SSC5D: variants seen among roughly 807,000 people sequenced by gnomAD.
The protein encoded by SSC5D is scavenger receptor cysteine rich family member with 5 domains.
Under a neutral mutation model 104.6 loss-of-function variants are expected in SSC5D, and 106 were observed. The ratio of observed to expected loss-of-function variants is 1.01; its 90% confidence interval spans 0.87 to 1.19. SSC5D has a LOEUF of 1.19. Ranked by LOEUF, SSC5D falls within the 50% of genes most tolerant of loss-of-function variation. The pLI is 0.00. For synonymous variants in SSC5D, 860 were observed against 883.5 expected (o/e 0.97, Z 0.47); for missense variants, 1,993 against 2,153.8 (o/e 0.93, Z 1.48).
Position 55,500,178 on chromosome 19 carries a change from C to G in SSC5D, c.2068C>G (p.Gln690Glu), listed in dbSNP as rs61747385. The change falls in exon 10 of 14, where the codon CAG becomes GAG. Residue 690 changes from glutamine (Q) to glutamate (E), a missense_variant. By Grantham distance (29) the Gln-to-Glu change is conservative. Transcript: ENST00000389623. The surrounding 1 kb of genome is among the most constrained non-coding windows in gnomAD (Gnocchi z 4.6). The stretch of plus-strand genomic sequence containing the variant: ...CAGAAGGCCGACCACGGAGGCCCCC[C>G]AGAGATGGACCTCTCACACCACTGC... The part of the protein sequence containing the change: ...FTRRPTTEAP[Q>E]RWTSHTTATL... 3,994 of 1,551,416 alleles carry G rather than the reference C, an allele frequency of 2.6e-3. 95 individuals are homozygous for G. The African/African-American group carries it at 0.047, about 18-fold the overall frequency.
In SSC5D at chr19:55,517,381, C is replaced by T. The variant is rs778507595; in HGVS notation, c.3105C>T (p.Ala1035=). 58 of 1,550,624 alleles carry T rather than the reference C, an allele frequency of 3.7e-5. No individual in the cohort carries two copies. In the South Asian group the frequency reaches 6.7e-4, roughly 18 times the overall value. The change falls in exon 14 of 14, where the codon GCC becomes GCT. Residue 1035 remains alanine, a synonymous_variant. Coordinates refer to ENST00000389623, the MANE Select transcript of SSC5D (RefSeq NM_001144950.2). ...GTCGAGAGCTCACTCCCCACTCAGC[C>T]TTGACGTCCGAGGCGACCTCTGACG... ...DSSRELTPHS[A]LTSEATSDAP...
chr19:55,499,897 T>A lies in SSC5D; in HGVS notation c.1787T>A (p.Leu596His). The change falls in exon 10 of 14, where the codon CTC (leucine) becomes CAC (histidine). Residue 596 changes from leucine (L) to histidine (H), a missense_variant. Around this residue, in one of 6 missense-constraint regions of SSC5D, gnomAD observed 1,101 missense variants for 1,085.0 expected, o/e 1.01. Transcript: ENST00000389623. ...PGLGRDRDAW[L>H]PGELATKPSA... ...CTGGGGAGAGATCGGGATGCCTGGC[T>A]CCCGGGAGAGCTGGCCACCAAGCCC... 6.4e-7 allele frequency: 1 copy of A among 1,551,436 alleles called. No homozygotes were observed. Among genetic ancestry groups the A allele is most frequent in the Non-Finnish European group, 8.7e-7 (1 of 1,146,956 alleles).
chr19:55,498,343 C>A, intron 9 of SSC5D, 146 bp downstream of exon 9: 1 of 826,054 alleles, frequency 1.2e-6, no homozygotes, highest in Non-Finnish European at 1.9e-6. Context: ...ATTGAAATCA[C>A]ATAATAAGTC....
Position 55,518,717 on chromosome 19 carries a change from A to G in SSC5D, c.4441A>G (p.Arg1481Gly), listed in dbSNP as rs1568486781. The G allele has an allele frequency of 1.3e-6, 2 of 1,551,066 alleles. No individual in the cohort carries two copies. Residue 1481 changes from arginine (R) to glycine (G), a missense_variant, in exon 14 of 14, where the codon AGG (arginine) becomes GGG (glycine). Physicochemically the swap from Arg to Gly is moderately radical, Grantham distance 125 (BLOSUM62 -2). This residue lies in a region of SSC5D where 349 missense variants were observed against 397.6 expected (regional missense o/e 0.88). Coordinates refer to ENST00000389623, the MANE Select transcript of SSC5D (RefSeq NM_001144950.2). ...GPCVAPTPPV[R>G]VMACEPPALV... is the part of the protein sequence containing the mutation. ...ATGTGTGGCCCCAACACCACCTGTA[A>G]GGGTCATGGCTTGTGAGCCACCTGC...
At chr19:55,494,520 G>A (rs1987254513) in intron 7 of SSC5D, 90 bp from the exon 8 acceptor site, 3 of 1,358,708 alleles carry the variant, frequency 2.2e-6, no homozygotes, top group Admixed American at 5.5e-5. Flanking sequence ...CAGCTGAGAG[G>A]ACTGAGGAAG....
At chr19:55,489,083 C>A in intron 2 of SSC5D, 51 bp downstream of exon 2, 1 of 1,052,770 alleles carries the variant, frequency 9.5e-7, no homozygotes, top group Non-Finnish European at 1.3e-6. Context: ...CAGGCCTCCC[C>A]CTTCTGCCCA....
At position 55,489,570 on chromosome 19, in the gene SSC5D, G is replaced by C. The variant is rs756136708; in HGVS notation, c.269G>C (p.Arg90Pro). The change falls in exon 3 of 14, where the codon CGG (arginine) becomes CCG (proline). Residue 90 changes from arginine (R) to proline (P), a missense_variant. By Grantham distance (103) the Arg-to-Pro change is moderately radical. Around this residue, in one of 6 missense-constraint regions of SSC5D, gnomAD observed 1,101 missense variants for 1,085.0 expected, o/e 1.01. Coordinates refer to ENST00000389623, the MANE Select transcript of SSC5D (RefSeq NM_001144950.2). Reference protein sequence around the residue: ...GPVWLSELACRGNEGQLGLCH... With the variant: ...GPVWLSELACPGNEGQLGLCH... ...GTGTGGCTCAGCGAGCTGGCTTGCC[G>C]GGGCAACGAGGGGCAGCTGGGCCTC... 1.3e-6 allele frequency: 2 copies of C among 1,511,124 alleles called. No individual in the cohort carries two copies. Among genetic ancestry groups the C allele is most frequent in the African/African-American group, 1.4e-5 (1 of 72,128 alleles). The allele number at this position is 1,511,124 out of a possible 1,614,324, so 93.6% of individuals were successfully genotyped here.
Position 55,503,610 on chromosome 19 carries a change from A to G in SSC5D, c.2785+2409A>G, listed in dbSNP as rs528623492. On this transcript the variant is annotated intron_variant, in intron 12 of 13. Transcript: ENST00000389623. The surrounding 1 kb of genome is among the most constrained non-coding windows in gnomAD (Gnocchi z 4.0). ...TCACGGGAGGTTTCACTCCCCACCT[A>G]AGGGGCAGCGTTTCTGTCCTCCCTC... Among the ~76,000 whole-genome samples the G allele has an allele frequency of 2.0e-5, 3 of 151,528 alleles. No homozygotes were observed. In the South Asian group the frequency reaches 6.3e-4, roughly 32 times the overall value.
At position 55,489,375 on chromosome 19, in the gene SSC5D, G is replaced by A; in HGVS notation, c.74G>A (p.Gly25Asp). 6.8e-7 allele frequency: 1 copy of A among 1,467,478 alleles called. No individual in the cohort carries two copies. Among genetic ancestry groups the A allele is most frequent in the Non-Finnish European group, 8.9e-7 (1 of 1,117,858 alleles). The allele number at this position is 1,467,478 out of a possible 1,614,324, so 90.9% of individuals were successfully genotyped here. The change falls in exon 3 of 14, where the codon GGC (glycine) becomes GAC (aspartate). Residue 25 changes from glycine (G) to aspartate (D), a missense_variant. By Grantham distance (94) the Gly-to-Asp change is moderately conservative. Around this residue, in one of 6 missense-constraint regions of SSC5D, gnomAD observed 1,101 missense variants for 1,085.0 expected, o/e 1.01. Transcript: ENST00000389623. ...QAVERLRLADGPHGCAGRLEV... is the reference protein window; with the variant it reads ...QAVERLRLADDPHGCAGRLEV... The stretch of plus-strand genomic sequence containing the variant: ...TCAGAGCGCCTGCGCCTGGCCGATG[G>A]CCCCCATGGGTGCGCTGGCCGCCTG...
rs1420459820 is a variant in SSC5D, at chr19:55,518,588, C to G, written c.4312C>G (p.Pro1438Ala). 2.6e-6 allele frequency: 4 copies of G among 1,538,396 alleles called. No homozygotes were observed. In the African/African-American group the frequency reaches 5.5e-5, roughly 21 times the overall value. Residue 1438 changes from proline to alanine, a missense_variant, in exon 14 of 14, where the codon CCT (proline) becomes GCT (alanine). This residue lies in a region of SSC5D where 349 missense variants were observed against 397.6 expected (regional missense o/e 0.88). Transcript: ENST00000389623. The part of the protein sequence containing the change: ...PHSASDLTVS[P>A]DPLLSPTAHP... Reference sequence around the variant, plus strand: ...CTCAGCCTCTGACCTTACTGTGTCCCCTGACCCCCTCCTTTCCCCCACAGC... The same window carrying G: ...CTCAGCCTCTGACCTTACTGTGTCCGCTGACCCCCTCCTTTCCCCCACAGC...
At position 55,500,822 on chromosome 19, in the gene SSC5D, C is replaced by A; in HGVS notation, c.2617+18C>A. On this transcript the variant is annotated intron_variant, in intron 11 of 13. Coordinates refer to ENST00000389623, the MANE Select transcript of SSC5D (RefSeq NM_001144950.2). This position sits in a 1 kb window ranked among gnomAD's most constrained non-coding sequence, Gnocchi z 4.6. ...CTGCACTGGTACCAGGGCATGGCGG[C>A]GGTGGTGGGGTTGTCGGGGGTGGCC... is the stretch of plus-strand genomic sequence containing the variant. 2 of 1,405,638 alleles carry A rather than the reference C, an allele frequency of 1.4e-6. No homozygotes were observed. The highest frequency in any genetic ancestry group is 1.9e-6 in the Non-Finnish European group (2 of 1,060,454). 87.1% of individuals were successfully genotyped at this position (1,405,638 alleles called of 1,614,324 possible). A position where few individuals can be genotyped will look rare whatever the true frequency, so the allele number is the denominator to read the frequency against.
At chr19:55,497,815 G>C in intron 8 of SSC5D, 65 bp from the exon 9 acceptor site, 1 of 1,321,212 alleles carries the variant, frequency 7.6e-7, no homozygotes, top group Non-Finnish European at 9.8e-7. Context: ...AGGGAAAGGT[G>C]GATGAAGAGT....
chr19:55,488,714 G>C (rs1599908782), intron 1 of SSC5D, 100 bp downstream of exon 1: 1 of 1,088,174 alleles, frequency 9.2e-7, no homozygotes, highest in East Asian at 2.6e-5. Flanking sequence ...GGGACTGGTC[G>C]CTGGTGCTCC....
chr19:55,514,449 A>AATG lies in SSC5D; in HGVS notation c.2947+1279_2947+1280insGAT, dbSNP rs1987825184. 1.1e-4 allele frequency among the ~76,000 whole-genome samples: 7 copies of AATG among 65,724 alleles called. No individual in the cohort carries two copies. In the South Asian group the frequency reaches 2.5e-3, roughly 23 times the overall value. 43.1% of individuals were successfully genotyped at this position (65,724 alleles called of 152,430 possible). A position where few individuals can be genotyped will look rare whatever the true frequency, so the allele number is the denominator to read the frequency against. The stretch of plus-strand genomic sequence containing the variant: ...TAATAATAATAATAATAATAATAAT[A>AATG]ATAATAATAGGTGTGGTGGCAGGCG... On this transcript the variant is annotated intron_variant, in intron 13 of 13. Transcript: ENST00000389623.
rs1486395573 is a variant in SSC5D, at chr19:55,518,649, C to A, written c.4373C>A (p.Thr1458Asn). 1 of 1,539,362 alleles carries A rather than the reference C, an allele frequency of 6.5e-7. No individual in the cohort carries two copies. The highest frequency in any genetic ancestry group is 8.8e-7 in the Non-Finnish European group (1 of 1,141,472). The change falls in exon 14 of 14, where the codon ACC becomes AAC. Residue 1458 changes from threonine to asparagine, a missense_variant. Physicochemically the swap from Thr to Asn is moderately conservative, Grantham distance 65. Around this residue, in one of 6 missense-constraint regions of SSC5D, gnomAD observed 349 missense variants for 397.6 expected, o/e 0.88. Transcript: ENST00000389623. ...GATCATCCTCCCCTTGACCCCCTCA[C>A]CCTAGGGCCAACTCCTGGTCAGAGC... The part of the protein sequence containing the change: ...PLDHPPLDPL[T>N]LGPTPGQSPG...
rs770659197 is a variant in SSC5D, at chr19:55,518,901, T to C, written c.4625T>C (p.Val1542Ala). The change falls in exon 14 of 14, where the codon GTG (valine) becomes GCG (alanine). Residue 1542 changes from valine (V) to alanine (A), a missense_variant. By Grantham distance (64) the Val-to-Ala change is moderately conservative (BLOSUM62 0). Around this residue, in one of 6 missense-constraint regions of SSC5D, gnomAD observed 349 missense variants for 397.6 expected, o/e 0.88. Coordinates refer to ENST00000389623, the MANE Select transcript of SSC5D (RefSeq NM_001144950.2). ...GGTCTGGGGCAGCTGGGTGAGGCTG[T>C]GAAGAGACTGGCAGAGATGGCCTGG... Reference protein sequence around the residue: ...ARGLGQLGEAVKRLAEMAWTT... With the variant: ...ARGLGQLGEAAKRLAEMAWTT... 3.7e-5 allele frequency: 57 copies of C among 1,550,170 alleles called. No homozygotes were observed. In the Admixed American group the frequency reaches 5.9e-4, roughly 16 times the overall value.
rs1409890300 is a variant in SSC5D, at chr19:55,503,165, TCTTGGGCTCAAGTCATCGG to T, written c.2785+1969_2785+1987del. Among the ~76,000 whole-genome samples, 5 of 152,046 alleles carry T rather than the reference TCTTGGGCTCAAGTCATCGG, an allele frequency of 3.3e-5. No individual in the cohort carries two copies. Among genetic ancestry groups the T allele is most frequent in the Non-Finnish European group, 5.9e-5 (4 of 67,998 alleles). ...TATGTTGCCCAGGCTGGTCTCAAAC[TCTTGGGCTCAAGTCATCGG>T]CTTGCTGCGGCCTCCCAAAGTGCTG... On this transcript the variant is annotated intron_variant, in intron 12 of 13. Coordinates refer to ENST00000389623, the MANE Select transcript of SSC5D (RefSeq NM_001144950.2). This position sits in a 1 kb window ranked among gnomAD's most constrained non-coding sequence, Gnocchi z 4.0.
Position 55,515,396 on chromosome 19 carries a change from C to CAA in SSC5D, c.2948-1808_2948-1807dup, listed in dbSNP as rs71181781. On this transcript the variant is annotated intron_variant, in intron 13 of 13. Transcript: ENST00000389623. ...GGGCAACAGGAGTGAAACTCCGTCTCAAAAAAAAAAAAAAAAAAAAAGTTA... is the reference window on the plus strand; with the variant it reads ...GGGCAACAGGAGTGAAACTCCGTCTCAAAAAAAAAAAAAAAAAAAAAAAGTTA... Among the ~76,000 whole-genome samples the CAA allele has an allele frequency of 6.7e-3, 574 of 86,204 alleles. 10 individuals are homozygous for CAA. Among genetic ancestry groups the CAA allele is most frequent in the South Asian group, 8.8e-3 (22 of 2,500 alleles). The allele number at this position is 86,204 out of a possible 152,430, so 56.6% of individuals were successfully genotyped here. A position where few individuals can be genotyped will look rare whatever the true frequency, so the allele number is the denominator to read the frequency against.
chr19:55,504,272 C>A (rs972438308), intron 12 of SSC5D: 1 of 1,501,412 alleles, frequency 6.7e-7, no homozygotes, highest in South Asian at 1.2e-5. Context: ...GGACCCCTCC[C>A]GTAGGGTAGG....
Sources: allele counts gnomAD v4.1 joint callset (sites outside exome capture counted in the v4.1 genomes callset), GRCh38; gene constraint gnomAD v4.1.1; regional missense constraint gnomAD v4.1.1; non-coding constraint Gnocchi (gnomAD v3.1); transcripts MANE v1.5; gene names NCBI Gene and HGNC (gene_info 2026-07-23, HGNC 2026-07-21).